MRC1: variants seen among roughly 807,000 people sequenced by gnomAD.
MRC1 encodes macrophage mannose receptor 1.
Under a neutral mutation model 102.9 loss-of-function variants are expected in MRC1, and 62 were observed. The observed-to-expected ratio is 0.60, with a 90% CI of 0.49 to 0.74. The LOEUF is 0.74. Ranked by LOEUF, MRC1 falls within the 30% of genes least tolerant of loss-of-function variation. The probability of loss-of-function intolerance (pLI) is 0.00; values close to 1 mark genes in which losing one functional copy is unlikely to be tolerated. For missense variants in MRC1, 1,237 were observed against 862.8 expected (o/e 1.43, Z -5.43); for synonymous variants, 457 against 298.4 (o/e 1.53, Z -5.48).
intron 24 of MRC1, among the ~76,000 whole-genome samples, chr10:17,899,181 G>A (rs1833796409): frequency 6.6e-6 from 1 of 152,090 alleles, no homozygotes; most frequent in Non-Finnish European, 1.5e-5. Flanking sequence ...CCATGATGCA[G>A]AGATAGAAAT....
At chr10:17,862,397 T>C (rs1731701934) in intron 10 of MRC1, among the ~76,000 whole-genome samples, 1 of 152,212 alleles carries the variant, frequency 6.6e-6, no homozygotes, top group South Asian at 2.1e-4. Context: ...TTTTATCTTC[T>C]GTGAGGGAGG....
At chr10:17,813,196 C>G (rs981700881) in intron 1 of MRC1, among the ~76,000 whole-genome samples, 2 of 152,106 alleles carry the variant, frequency 1.3e-5, no homozygotes, top group African/African-American at 4.8e-5. Flanking sequence ...TTGTACTTTT[C>G]CACATCCCCT....
intron 22 of MRC1, among the ~76,000 whole-genome samples, chr10:17,892,287 C>G (rs1589193656): frequency 6.6e-6 from 1 of 152,192 alleles, no homozygotes; most frequent in Non-Finnish European, 1.5e-5. Flanking sequence ...GACTGCCTCC[C>G]CATGCACTCC....
In MRC1 at chr10:17,875,733, C is replaced by T. The variant is rs1015490406; in HGVS notation, c.2550+480C>T. Among the ~76,000 whole-genome samples the T allele has an allele frequency of 4.5e-3, 686 of 152,272 alleles. 3 individuals are homozygous for T. The highest frequency in any genetic ancestry group is 0.016 in the African/African-American group (665 of 41,552). On this transcript the variant is annotated intron_variant, in intron 17 of 29. Coordinates refer to ENST00000569591, the MANE Select transcript of MRC1 (RefSeq NM_002438.4). ...TTGTGCCAATATTATAACGTGTGTG[C>T]AAGTGTCTTTTTCATATAATGACTT...
At chr10:17,813,548 T>C (rs1234897202) in intron 1 of MRC1, among the ~76,000 whole-genome samples, 2 of 151,510 alleles carry the variant, frequency 1.3e-5, no homozygotes, top group Non-Finnish European at 2.9e-5. Context: ...CTTTCTCCTT[T>C]TTAAATTTGT....
intron 22 of MRC1, among the ~76,000 whole-genome samples, chr10:17,886,255 TA>T (rs1223716249): frequency 2.0e-5 from 3 of 151,820 alleles, no homozygotes; most frequent in Non-Finnish European, 2.9e-5. Context: ...AGGGAAGAAA[TA>T]TAAAAAAGAA....
chr10:17,905,124 T>C (rs900315019), intron 26 of MRC1, among the ~76,000 whole-genome samples: 32 of 152,190 alleles, frequency 2.1e-4, no homozygotes, highest in Non-Finnish European at 4.4e-5. Context: ...TCTCTGAGAA[T>C]GGGGCTTGGA....
At chr10:17,832,648 C>T (rs1319229066) in intron 3 of MRC1, among the ~76,000 whole-genome samples, 11 of 147,434 alleles carry the variant, frequency 7.5e-5, no homozygotes, top group South Asian at 2.1e-4. Flanking sequence ...AGTGCAGTGA[C>T]GCGATCTCGG....
chr10:17,838,433 G>A (rs1345187333), intron 4 of MRC1, among the ~76,000 whole-genome samples: 2 of 152,018 alleles, frequency 1.3e-5, no homozygotes, highest in South Asian at 2.1e-4. Flanking sequence ...TTGTGGCTCC[G>A]TATGTGCAGG....
chr10:17,851,282 A>T (rs1838912507), intron 7 of MRC1, among the ~76,000 whole-genome samples: 1 of 152,184 alleles, frequency 6.6e-6, no homozygotes, highest in African/African-American at 2.4e-5. Context: ...ACCTTCCATT[A>T]AAAATTATTG....
intron 22 of MRC1, among the ~76,000 whole-genome samples, chr10:17,891,408 T>A (rs1003486721): frequency 2.6e-5 from 4 of 152,128 alleles, no homozygotes; most frequent in African/African-American, 9.7e-5. Context: ...CCTCGTGATC[T>A]GCCCGCCTCG....
chr10:17,819,375 G>C (rs1190438386), intron 1 of MRC1, among the ~76,000 whole-genome samples: 1 of 152,066 alleles, frequency 6.6e-6, no homozygotes, highest in African/African-American at 2.4e-5. Flanking sequence ...CCAAACCATG[G>C]TGGCTTGGCC....
At chr10:17,828,440 T>C (rs1341172847) in intron 3 of MRC1, among the ~76,000 whole-genome samples, 1 of 151,442 alleles carries the variant, frequency 6.6e-6, no homozygotes, top group Non-Finnish European at 1.5e-5. Flanking sequence ...CAATATAGTA[T>C]ATACTTAACA....
intron 1 of MRC1, among the ~76,000 whole-genome samples, chr10:17,816,233 C>T (rs1838310271): frequency 6.6e-6 from 1 of 152,194 alleles, no homozygotes; most frequent in Non-Finnish European, 1.5e-5. Flanking sequence ...ATTTATTTAA[C>T]TGAGGCTGGT....
intron 22 of MRC1, among the ~76,000 whole-genome samples, chr10:17,887,352 C>G (rs1833612801): frequency 6.6e-6 from 1 of 152,178 alleles, no homozygotes; most frequent in Admixed American, 6.5e-5. Flanking sequence ...GATCGCGCCA[C>G]TGCACTCCAG....
In MRC1 at chr10:17,863,536, A is replaced by G; in HGVS notation, c.1637A>G (p.Tyr546Cys). ...NAYLTTIEDR[Y>C]EQAFLTSFVG... ...AATGTTAATTCTTCTTTTTAAAGAT[A>G]TGAACAAGCCTTCCTGACTAGTTTC... is the stretch of plus-strand genomic sequence containing the variant. The change falls in exon 11 of 30, where the codon TAT (tyrosine) becomes TGT (cysteine). Residue 546 changes from tyrosine to cysteine, a missense_variant and splice_region_variant. Coordinates refer to ENST00000569591, the MANE Select transcript of MRC1 (RefSeq NM_002438.4). 2.6e-6 allele frequency: 2 copies of G among 780,876 alleles called. No individual in the cohort carries two copies. Among genetic ancestry groups the G allele is most frequent in the Non-Finnish European group, 4.8e-6 (2 of 417,960 alleles). 48.4% of individuals were successfully genotyped at this position (780,876 alleles called of 1,614,324 possible).
rs1589193743 is a variant in MRC1 at position 17,892,529 on chromosome 10, A to G, written c.3148-1681A>G. Among the ~76,000 whole-genome samples the G allele has an allele frequency of 2.0e-5, 3 of 152,306 alleles. 1 individual carries two copies. Among genetic ancestry groups the G allele is most frequent in the African/African-American group, 7.2e-5 (3 of 41,564 alleles). ...CATTTAAGAGAAGTTGTTGATGTTCAGCTTTTCTCGCCATTTTCTTGCATT... is the reference window on the plus strand; with the variant it reads ...CATTTAAGAGAAGTTGTTGATGTTCGGCTTTTCTCGCCATTTTCTTGCATT... On this transcript the variant is annotated intron_variant, in intron 22 of 29. Transcript: ENST00000569591.
chr10:17,819,879 A>C (rs1242817034), intron 1 of MRC1, among the ~76,000 whole-genome samples: 1 of 152,196 alleles, frequency 6.6e-6, no homozygotes, highest in Non-Finnish European at 1.5e-5. Context: ...TAGGAATTCA[A>C]GGCTGCAGTG....
intron 7 of MRC1, among the ~76,000 whole-genome samples, chr10:17,852,574 C>G (rs1392554768): frequency 6.6e-6 from 1 of 152,156 alleles, no homozygotes; most frequent in Non-Finnish European, 1.5e-5. Flanking sequence ...AAATAGGCTA[C>G]CATCAATAAC....
Sources: gnomAD v4.1 joint callset for allele counts (sites outside exome capture counted in the v4.1 genomes callset) on GRCh38, gnomAD v4.1.1 for gene constraint, MANE v1.5 for transcripts, NCBI Gene and HGNC (gene_info 2026-07-23, HGNC 2026-07-21) for gene names.